FAM107A: variants seen among roughly 807,000 people sequenced by gnomAD.
FAM107A encodes the protein family with sequence similarity 107 member A, also known as actin-associated protein FAM107A.
In FAM107A, 19 loss-of-function variants were observed where a neutral mutation model predicts 13.7. The ratio of observed to expected loss-of-function variants is 1.38; its 90% confidence interval spans 0.97 to 2.03. The LOEUF is 2.03. FAM107A is among the 30% of genes most tolerant of loss of function. The pLI is 0.00. For synonymous variants in FAM107A, 82 were observed against 74.5 expected, an observed-to-expected ratio of 1.10 and a Z score of -0.52; for missense variants, 203 against 184.4, an observed-to-expected ratio of 1.10 and a Z score of -0.58.
chr3:58,605,082 G>T (rs1202211699), intron 1 of FAM107A, among the ~76,000 whole-genome samples: 1 of 152,206 alleles, frequency 6.6e-6, no homozygotes, highest in Non-Finnish European at 1.5e-5. Flanking sequence ...TCCCCTGAGG[G>T]TCTTGAAGGA....
At chr3:58,575,791 C>T (rs995216220) in intron 1 of FAM107A, among the ~76,000 whole-genome samples, 4 of 152,204 alleles carry the variant, frequency 2.6e-5, no homozygotes, top group African/African-American at 7.2e-5. Flanking sequence ...CAGCCTGGCC[C>T]TAGCAGCTTT....
intron 1 of FAM107A, among the ~76,000 whole-genome samples, chr3:58,594,620 A>G (rs2065683220): frequency 6.6e-6 from 1 of 151,944 alleles, no homozygotes; most frequent in African/African-American, 2.4e-5. Flanking sequence ...AGTTTTCCTT[A>G]CCTCCCAAAA....
intron 1 of FAM107A, chr3:58,570,361 G>T (rs764387580): frequency 4.2e-5 from 41 of 984,276 alleles, no homozygotes; most frequent in Non-Finnish European, 4.8e-5. Flanking sequence ...TTCCACAACT[G>T]TTCAGCTTTT....
chr3:58,621,517 G>A (rs2065954873), intron 1 of FAM107A, among the ~76,000 whole-genome samples: 1 of 152,214 alleles, frequency 6.6e-6, no homozygotes, highest in Non-Finnish European at 1.5e-5. Context: ...GGAGGGCACT[G>A]GGAATCATTT....
chr3:58,616,726 G>A (rs1473501230), intron 1 of FAM107A, among the ~76,000 whole-genome samples: 4 of 152,100 alleles, frequency 2.6e-5, no homozygotes, highest in Non-Finnish European at 5.9e-5. Context: ...CCTGATTTCA[G>A]CTTCTAGCCT....
intron 1 of FAM107A, among the ~76,000 whole-genome samples, chr3:58,584,824 G>A (rs915700773): frequency 1.2e-4 from 18 of 152,220 alleles, no homozygotes; most frequent in African/African-American, 4.3e-4. Flanking sequence ...GAAACCTCTA[G>A]AGGGTATTTA....
Position 58,577,373 on chromosome 3 carries a change from G to C in FAM107A, c.-70C>G, listed in dbSNP as rs182507957. The C allele has an allele frequency of 7.2e-4, 707 of 985,422 alleles. 2 individuals are homozygous for C. In the African/African-American group the frequency reaches 0.012, roughly 16 times the overall value. 61.0% of individuals were successfully genotyped at this position (985,422 alleles called of 1,614,324 possible). A position where few individuals can be genotyped will look rare whatever the true frequency, so the allele number is the denominator to read the frequency against. ...GTTGCTGGGTTCCTCACTCCACCGG[G>C]AAGTCCCAGACTAGCAAGGAGGGCT... On this transcript the variant is annotated 5_prime_UTR_variant, in exon 1 of 4. Coordinates refer to ENST00000360997, the MANE Select transcript of FAM107A (RefSeq NM_001076778.3). The surrounding 1 kb of genome is among the most constrained non-coding windows in gnomAD (Gnocchi z 4.9).
intron 1 of FAM107A, among the ~76,000 whole-genome samples, chr3:58,625,790 C>T (rs1254988281): frequency 2.0e-5 from 3 of 152,244 alleles, no homozygotes; most frequent in African/African-American, 7.2e-5. Flanking sequence ...TAAAGCTCCT[C>T]TTTCCAAATT....
intron 1 of FAM107A, among the ~76,000 whole-genome samples, chr3:58,571,628 G>C (rs1340069956): frequency 6.6e-6 from 1 of 152,152 alleles, no homozygotes; most frequent in Non-Finnish European, 1.5e-5. Context: ...TTGTCTGTGG[G>C]ATCAAGCTCT....
chr3:58,569,780 C>A lies in FAM107A; in HGVS notation c.81G>T (p.Glu27Asp). The A allele has an allele frequency of 6.2e-7, 1 of 1,614,138 alleles. No homozygotes were observed. The highest frequency in any genetic ancestry group is 8.5e-7 in the Non-Finnish European group (1 of 1,179,998). The change falls in exon 2 of 4, where the codon GAG (glutamate) becomes GAT (aspartate). Residue 27 changes from glutamate (E) to aspartate (D), a missense_variant. Physicochemically the swap from Glu to Asp is conservative, Grantham distance 45 (BLOSUM62 2). Transcript: ENST00000360997. This position sits in a 1 kb window ranked among gnomAD's most constrained non-coding sequence, Gnocchi z 5.7. ...TCAGCAGCTTCTTGGGCTTGATGAG[C>A]TCCGGATTCCACTCTCTGTATTCTG... ...ARPEYREWNP[E>D]LIKPKKLLNP...
Position 58,623,332 on chromosome 3 carries a change from CA to C in FAM107A, c.-70+4083del, listed in dbSNP as rs113315859. 2.1e-3 allele frequency among the ~76,000 whole-genome samples: 322 copies of C among 152,258 alleles called. 2 individuals carry two copies. The highest frequency in any genetic ancestry group is 7.3e-3 in the African/African-American group (302 of 41,540). The stretch of plus-strand genomic sequence containing the variant: ...AGAGGACAGGACTCTTTCAGGGCCA[CA>C]AAAAACCTGGGTGGTGTTGGGTTTG... On this transcript the variant is annotated intron_variant, in intron 1 of 3. Transcript: ENST00000465970.
intron 1 of FAM107A, among the ~76,000 whole-genome samples, chr3:58,612,799 GA>G (rs1402214086): frequency 6.6e-6 from 1 of 152,136 alleles, no homozygotes. Context: ...AGTTATTGTG[GA>G]AAGTATTGGA....
chr3:58,614,052 G>A (rs560029817), intron 1 of FAM107A, among the ~76,000 whole-genome samples: 4 of 152,252 alleles, frequency 2.6e-5, no homozygotes, highest in East Asian at 1.9e-4. Flanking sequence ...AAAAACTGCC[G>A]CTGAAACTTT....
chr3:58,616,922 C>T (rs561357841), intron 1 of FAM107A, among the ~76,000 whole-genome samples: 6 of 152,120 alleles, frequency 3.9e-5, no homozygotes, highest in East Asian at 1.9e-4. Flanking sequence ...TACAGGCACA[C>T]GCCACCACAT....
At chr3:58,574,994 G>C (rs1197393031) in intron 1 of FAM107A, among the ~76,000 whole-genome samples, 1 of 152,200 alleles carries the variant, frequency 6.6e-6, no homozygotes, top group Non-Finnish European at 1.5e-5. Flanking sequence ...GAGACAGAAG[G>C]AGAGCTGCAC....
At position 58,566,796 on chromosome 3, in the gene FAM107A, C is replaced by A. The variant is rs1024975516; in HGVS notation, c.328-101G>T. On this transcript the variant is annotated intron_variant, in intron 3 of 3. Transcript: ENST00000360997. The stretch of plus-strand genomic sequence containing the variant: ...ACCAAGGGCCCACTCAGTGGGGAAA[C>A]AGAACCAACCTGGGGATGAGTTTTG... 9 of 858,596 alleles carry A rather than the reference C, an allele frequency of 1.0e-5. No individual in the cohort carries two copies. The Admixed American group carries it at 1.2e-4, about 11-fold the overall frequency. 53.2% of individuals were successfully genotyped at this position (858,596 alleles called of 1,614,324 possible).
intron 3 of FAM107A, 167 bp from the exon 4 acceptor site, chr3:58,566,862 T>A (rs754036643): frequency 1.5e-4 from 91 of 624,884 alleles, no homozygotes; most frequent in Middle Eastern, 4.2e-4. Context: ...TGAGACTGAG[T>A]TCTCCTTGTG....
chr3:58,576,993 T>A (rs941562274), intron 1 of FAM107A, among the ~76,000 whole-genome samples: 1 of 152,230 alleles, frequency 6.6e-6, no homozygotes, highest in Non-Finnish European at 1.5e-5. Flanking sequence ...GTGTGATAAT[T>A]GACTTAGGTG....
intron 1 of FAM107A, among the ~76,000 whole-genome samples, chr3:58,610,705 C>T (rs752698298): frequency 1.3e-5 from 2 of 152,246 alleles, no homozygotes; most frequent in Non-Finnish European, 2.9e-5. Context: ...GAGGAATTCT[C>T]AAATTTCCAA....
Sources: allele counts gnomAD v4.1 joint callset (sites outside exome capture counted in the v4.1 genomes callset), GRCh38; gene constraint gnomAD v4.1.1; non-coding constraint Gnocchi (gnomAD v3.1); transcripts MANE v1.5; gene names NCBI Gene and HGNC (gene_info 2026-07-23, HGNC 2026-07-21).